AGBL3: variants seen among roughly 807,000 people sequenced by gnomAD.
AGBL3 encodes AGBL carboxypeptidase 3, also known as cytosolic carboxypeptidase 3.
Under a neutral mutation model 94.5 loss-of-function variants are expected in AGBL3, and 68 were observed. The ratio of observed to expected loss-of-function variants is 0.72; its 90% CI spans 0.59 to 0.88. AGBL3 has a LOEUF of 0.88. AGBL3 is among the 40% of genes least tolerant of loss of function. AGBL3 has a pLI of 0.00. For synonymous variants in AGBL3, 354 were observed against 370.7 expected (o/e 0.95, Z 0.52); for missense variants, 934 against 1,103.8 (o/e 0.85, Z 2.18).
intron 12 of AGBL3, among the ~76,000 whole-genome samples, chr7:135,063,291 A>T (rs1432103064): frequency 1.3e-5 from 2 of 151,672 alleles, no homozygotes; most frequent in African/African-American, 4.8e-5. Context: ...TCTTTTTTTA[A>T]AAACAAAAAA....
chr7:135,068,485 G>A (rs1391858582), intron 12 of AGBL3, among the ~76,000 whole-genome samples: 1 of 152,192 alleles, frequency 6.6e-6, no homozygotes, highest in Non-Finnish European at 1.5e-5. Context: ...CAGCCAGAGA[G>A]AAAGGTCGGG....
At chr7:135,001,281 G>A (rs1269062349) in intron 4 of AGBL3, among the ~76,000 whole-genome samples, 1 of 152,100 alleles carries the variant, frequency 6.6e-6, no homozygotes, top group East Asian at 1.9e-4. Context: ...GCATTGGTCT[G>A]CCATGTCAAA....
At chr7:135,115,056 C>T (rs576842994) in intron 15 of AGBL3, among the ~76,000 whole-genome samples, 1 of 152,226 alleles carries the variant, frequency 6.6e-6, no homozygotes, top group South Asian at 2.1e-4. Flanking sequence ...ATTATCTTTC[C>T]CCTGAAACCT....
intron 4 of AGBL3, among the ~76,000 whole-genome samples, chr7:135,008,079 G>A (rs4270900): frequency 0.011 from 1,646 of 152,062 alleles, 26 homozygotes; most frequent in African/African-American, 0.036. Flanking sequence ...TCTACAGATT[G>A]AATGCAATTT....
chr7:135,074,715 A>G (rs1349087784), intron 12 of AGBL3, among the ~76,000 whole-genome samples: 2 of 152,186 alleles, frequency 1.3e-5, no homozygotes, highest in East Asian at 1.9e-4. Context: ...CAAGTTATGT[A>G]TATCAGGACA....
intron 8 of AGBL3, among the ~76,000 whole-genome samples, chr7:135,042,143 T>C (rs4728349): frequency 0.93 from 141,707 of 152,242 alleles, 66,731 homozygotes; most frequent in Non-Finnish European, 1. Context: ...TGTACACTTA[T>C]ATGATCCAGC....
At chr7:135,103,892 T>G (rs896799309) in intron 15 of AGBL3, among the ~76,000 whole-genome samples, 6 of 152,182 alleles carry the variant, frequency 3.9e-5, no homozygotes, top group African/African-American at 1.4e-4. Flanking sequence ...TTTTTTTTAA[T>G]GTAAGGATGT....
intron 12 of AGBL3, among the ~76,000 whole-genome samples, chr7:135,071,521 G>T (rs1244116610): frequency 6.6e-6 from 1 of 152,110 alleles, no homozygotes; most frequent in Non-Finnish European, 1.5e-5. Flanking sequence ...ATACTACAAG[G>T]CTACATTAAC....
intron 4 of AGBL3, among the ~76,000 whole-genome samples, chr7:135,008,204 T>A (rs4552842): frequency 0.93 from 141,530 of 152,058 alleles, 66,645 homozygotes; most frequent in Non-Finnish European, 1. Flanking sequence ...CTTAAGAACA[T>A]ATTTGAGAGC....
intron 4 of AGBL3, among the ~76,000 whole-genome samples, chr7:135,013,913 G>A (rs1488000133): frequency 6.6e-6 from 1 of 152,094 alleles, no homozygotes; most frequent in East Asian, 1.9e-4. Context: ...CCAAAATGTT[G>A]GCCGGGCGCA....
intron 5 of AGBL3, among the ~76,000 whole-genome samples, chr7:135,020,609 C>G (rs1281698627): frequency 1.3e-5 from 2 of 152,084 alleles, no homozygotes; most frequent in Non-Finnish European, 2.9e-5. Flanking sequence ...TACATGCACA[C>G]ATATGTTTAT....
At chr7:135,082,603 T>C (rs558947968) in intron 15 of AGBL3, among the ~76,000 whole-genome samples, 5 of 152,236 alleles carry the variant, frequency 3.3e-5, no homozygotes, top group African/African-American at 1.2e-4. Context: ...TCTAAAATCT[T>C]GACATATTGG....
intron 4 of AGBL3, among the ~76,000 whole-genome samples, chr7:135,014,170 T>C (rs548802729): frequency 3.1e-4 from 37 of 118,380 alleles, no homozygotes; most frequent in Non-Finnish European, 4.7e-4. Context: ...CACTCCAGCC[T>C]GGGAAACAGA....
At chr7:135,064,620 A>G (rs1020878312) in intron 12 of AGBL3, among the ~76,000 whole-genome samples, 1 of 152,204 alleles carries the variant, frequency 6.6e-6, no homozygotes, top group African/African-American at 2.4e-5. Flanking sequence ...TGTTAAGAGA[A>G]TTTGCTGATG....
At chr7:135,131,392 G>A (rs1287378985) in intron 16 of AGBL3, among the ~76,000 whole-genome samples, 1 of 151,778 alleles carries the variant, frequency 6.6e-6, no homozygotes, top group Admixed American at 6.6e-5. Context: ...ATATACCTAT[G>A]TAACAAACCT....
chr7:135,121,736 G>A (rs1047698975), intron 16 of AGBL3, among the ~76,000 whole-genome samples: 1 of 152,158 alleles, frequency 6.6e-6, no homozygotes, highest in Non-Finnish European at 1.5e-5. Flanking sequence ...AACTGACTAG[G>A]AGGCTGGTGT....
At chr7:135,070,263 C>A (rs1819762708) in intron 12 of AGBL3, among the ~76,000 whole-genome samples, 1 of 152,114 alleles carries the variant, frequency 6.6e-6, no homozygotes, top group African/African-American at 2.4e-5. Flanking sequence ...AGTCCAGGAC[C>A]AGATGGATTC....
intron 15 of AGBL3, among the ~76,000 whole-genome samples, chr7:135,096,783 G>GAAAGAAAGAAAGAAAGAAAT (rs1473386036): frequency 4.7e-5 from 7 of 148,866 alleles, no homozygotes; most frequent in African/African-American, 1.8e-4. Flanking sequence ...AAGAAAGAAA[G>GAAAGAAAGAAAGAAAGAAAT]AAAGAAAGAA....
chr7:135,079,609 G>A (rs4732087), intron 13 of AGBL3, among the ~76,000 whole-genome samples: 54,930 of 149,404 alleles, frequency 0.37, 10,328 homozygotes, highest in South Asian at 0.49. Context: ...GGGATTACAG[G>A]TGACTGCCAC....
Sources: allele counts gnomAD v4.1 joint callset (sites outside exome capture counted in the v4.1 genomes callset), GRCh38; gene constraint gnomAD v4.1.1; transcripts MANE v1.5; gene names NCBI Gene and HGNC (gene_info 2026-07-23, HGNC 2026-07-21).